ITPR1: variants seen among roughly 807,000 people sequenced by gnomAD.
The protein encoded by ITPR1 is inositol 1,4,5-trisphosphate receptor type 1, also known as inositol 1,4,5-trisphosphate-gated calcium channel ITPR1.
Under a neutral mutation model 318.4 loss-of-function variants are expected in ITPR1, and 96 were observed. That is an observed-to-expected ratio of 0.30 (90% CI 0.26 to 0.36). The LOEUF (loss-of-function observed/expected upper bound fraction) is 0.36, where lower values mean the gene tolerates loss of function less well. Among genes scored for constraint, ITPR1 ranks in the 10% least tolerant of loss-of-function variants. The pLI is 1.00. For missense variants in ITPR1, 2,440 were observed against 3,460.2 expected (o/e 0.71, Z 7.40); for synonymous variants, 1,312 against 1,289.9 (o/e 1.02, Z -0.37).
intron 44 of ITPR1, among the ~76,000 whole-genome samples, chr3:4,738,059 C>T (rs761177446): frequency 3.3e-5 from 5 of 152,152 alleles, no homozygotes; most frequent in Non-Finnish European, 5.9e-5. Flanking sequence ...TGGGGCTTTT[C>T]GGAAGGTGGA....
chr3:4,794,980 A>C, intron 52 of ITPR1, 85 bp from the exon 53 acceptor site: 8 of 1,422,060 alleles, frequency 5.6e-6, no homozygotes, highest in Non-Finnish European at 7.5e-6. Context: ...CTTGTGGGGC[A>C]GAGCTGGCGG....
chr3:4,647,626 G>A (rs776225465), intron 10 of ITPR1, among the ~76,000 whole-genome samples: 1 of 152,158 alleles, frequency 6.6e-6, no homozygotes, highest in Non-Finnish European at 1.5e-5. Context: ...TCTTTTCAAT[G>A]TTACTCGTTC....
chr3:4,720,149 C>G (rs763393908), intron 40 of ITPR1, among the ~76,000 whole-genome samples: 2 of 152,212 alleles, frequency 1.3e-5, no homozygotes, highest in African/African-American at 4.8e-5. Flanking sequence ...GTGCCTGTTA[C>G]GTCCAGGGGG....
chr3:4,624,670 CAAAAAAAAAA>C (rs1161664837), intron 4 of ITPR1, among the ~76,000 whole-genome samples: 1,391 of 72,528 alleles, frequency 0.019, 32 homozygotes, highest in African/African-American at 0.055. Context: ...GCTCTGTCTC[CAAAAAAAAAA>C]AAAAAAAAAA....
At chr3:4,799,585 C>T (rs2048094635) in intron 53 of ITPR1, among the ~76,000 whole-genome samples, 1 of 152,082 alleles carries the variant, frequency 6.6e-6, no homozygotes, top group South Asian at 2.1e-4. Context: ...TCATGTAGTG[C>T]TGCTTGTTTA....
chr3:4,530,524 C>G (rs529400491), intron 4 of ITPR1, among the ~76,000 whole-genome samples: 1 of 152,212 alleles, frequency 6.6e-6, no homozygotes, highest in Non-Finnish European at 1.5e-5. Flanking sequence ...TGGCTCATGC[C>G]TGCAATCCCA....
chr3:4,712,499 G>T, intron 39 of ITPR1, among the ~76,000 whole-genome samples: 1 of 152,206 alleles, frequency 6.6e-6, no homozygotes, highest in East Asian at 1.9e-4. Context: ...AACAAATGAT[G>T]GGCGTGAATT....
chr3:4,793,462 T>C (rs1397665823), intron 52 of ITPR1, among the ~76,000 whole-genome samples: 1 of 152,252 alleles, frequency 6.6e-6, no homozygotes, highest in Non-Finnish European at 1.5e-5. Context: ...GGTTATCAAC[T>C]CTTTGCCATT....
intron 39 of ITPR1, among the ~76,000 whole-genome samples, chr3:4,715,261 C>G (rs1038721057): frequency 6.6e-6 from 1 of 152,226 alleles, no homozygotes; most frequent in Non-Finnish European, 1.5e-5. Flanking sequence ...GGTCCACCTA[C>G]AGGTTGAACC....
chr3:4,694,367 A>G (rs17041210), intron 33 of ITPR1, among the ~76,000 whole-genome samples: 6,245 of 150,286 alleles, frequency 0.042, 490 homozygotes, highest in African/African-American at 0.14. Context: ...TATGTATTGT[A>G]GGTTTTACAA....
At chr3:4,639,351 T>G (rs760932547) in intron 5 of ITPR1, 33 bp from the exon 6 acceptor site, 2 of 1,495,808 alleles carry the variant, frequency 1.3e-6, no homozygotes, top group Non-Finnish European at 1.8e-6. Flanking sequence ...CATGGTTTCC[T>G]CTTTGTGATC....
At chr3:4,712,267 A>G (rs774722740) in intron 39 of ITPR1, among the ~76,000 whole-genome samples, 5 of 152,196 alleles carry the variant, frequency 3.3e-5, no homozygotes, top group Non-Finnish European at 5.9e-5. Context: ...CTGTTGCGCA[A>G]TCCTTTCAGT....
intron 21 of ITPR1, 149 bp from the exon 22 acceptor site, chr3:4,674,053 G>T: frequency 1.7e-6 from 1 of 587,602 alleles, no homozygotes; most frequent in Non-Finnish European, 3.0e-6. Context: ...ATATATAGTT[G>T]GTGATATATG....
At chr3:4,542,537 T>C (rs949300181) in intron 4 of ITPR1, among the ~76,000 whole-genome samples, 1 of 152,172 alleles carries the variant, frequency 6.6e-6, no homozygotes, top group East Asian at 1.9e-4. Flanking sequence ...AGTATGAGGG[T>C]AACTTATTTA....
intron 2 of ITPR1, among the ~76,000 whole-genome samples, chr3:4,505,595 A>G (rs1397127200): frequency 3.9e-5 from 6 of 152,218 alleles, no homozygotes. Flanking sequence ...AGGTGGAGGT[A>G]GTGTGGATAT....
intron 59 of ITPR1, among the ~76,000 whole-genome samples, 175 bp from the exon 60 acceptor site, chr3:4,817,905 CTG>C (rs1168865105): frequency 6.6e-6 from 1 of 152,222 alleles, no homozygotes; most frequent in African/African-American, 2.4e-5. Flanking sequence ...GACTCACAGC[CTG>C]TGTTTTCCTG....
chr3:4,637,445 GTATT>G (rs1159622321), intron 5 of ITPR1, among the ~76,000 whole-genome samples: 2 of 152,346 alleles, frequency 1.3e-5, no homozygotes, highest in East Asian at 1.9e-4. Flanking sequence ...GCTAAGGAGA[GTATT>G]TATGCAGAGG....
At chr3:4,755,776 T>G (rs1444112843) in intron 44 of ITPR1, among the ~76,000 whole-genome samples, 1 of 152,252 alleles carries the variant, frequency 6.6e-6, no homozygotes, top group African/African-American at 2.4e-5. Flanking sequence ...GGCAGGGTAG[T>G]TGAAACTGGT....
chr3:4,554,671 G>C (rs141216134), intron 4 of ITPR1, among the ~76,000 whole-genome samples: 1 of 147,846 alleles, frequency 6.8e-6, no homozygotes, highest in South Asian at 2.2e-4. Flanking sequence ...TGAGGTTTCA[G>C]TTAACCCGGT....
Sources: gnomAD v4.1 joint callset for allele counts (sites outside exome capture counted in the v4.1 genomes callset) on GRCh38, gnomAD v4.1.1 for gene constraint, MANE v1.5 for transcripts, NCBI Gene and HGNC (gene_info 2026-07-23, HGNC 2026-07-21) for gene names.